Variants in CTNNA3 observed in about 807,000 individuals in gnomAD.
The protein encoded by CTNNA3 is catenin alpha-3.
Under a neutral mutation model 95.7 loss-of-function variants are expected in CTNNA3, and 76 were observed. The observed-to-expected ratio is 0.79, with a 90% CI of 0.66 to 0.96. CTNNA3 has a LOEUF of 0.96. Among genes scored for constraint, CTNNA3 ranks in the 40% least tolerant of loss-of-function variants. CTNNA3 has a pLI of 0.00. For missense variants in CTNNA3, 1,191 were observed against 1,089.8 expected (o/e 1.09, Z -1.31); for synonymous variants, 431 against 374.4 (o/e 1.15, Z -1.74).
At chr10:67,723,845 T>C (rs1287927598) in intron 1 of CTNNA3, among the ~76,000 whole-genome samples, 1 of 152,060 alleles carries the variant, frequency 6.6e-6, no homozygotes, top group Non-Finnish European at 1.5e-5. Flanking sequence ...CTCGGTATGC[T>C]ATGGGGCTTC....
chr10:67,261,938 A>G (rs1003265835), intron 5 of CTNNA3, among the ~76,000 whole-genome samples: 2 of 152,196 alleles, frequency 1.3e-5, no homozygotes, highest in Non-Finnish European at 1.5e-5. Flanking sequence ...TTTAAAATCA[A>G]CTAATACTAA....
chr10:66,248,650 A>G (rs1045195412), intron 13 of CTNNA3, among the ~76,000 whole-genome samples: 4 of 152,154 alleles, frequency 2.6e-5, no homozygotes, highest in African/African-American at 9.6e-5. Flanking sequence ...GAAACAAAGA[A>G]AGTGATTATA....
intron 12 of CTNNA3, among the ~76,000 whole-genome samples, chr10:66,299,697 T>C (rs1268098890): frequency 1.3e-5 from 2 of 151,884 alleles, no homozygotes; most frequent in Admixed American, 1.3e-4. Flanking sequence ...TTGAAGAAAC[T>C]ACACAGAATG....
chr10:66,114,059 T>C (rs2082221103), intron 13 of CTNNA3, among the ~76,000 whole-genome samples: 1 of 152,102 alleles, frequency 6.6e-6, no homozygotes, highest in South Asian at 2.1e-4. Context: ...CTTCAACTCT[T>C]ATGTCTGAAT....
intron 7 of CTNNA3, among the ~76,000 whole-genome samples, chr10:66,865,736 T>C (rs1844149273): frequency 6.6e-6 from 1 of 152,086 alleles, no homozygotes; most frequent in African/African-American, 2.4e-5. Context: ...CAATATTTAT[T>C]TTTAGCTCAA....
At chr10:67,398,437 C>G (rs963952312) in intron 5 of CTNNA3, among the ~76,000 whole-genome samples, 1 of 152,154 alleles carries the variant, frequency 6.6e-6, no homozygotes, top group African/African-American at 2.4e-5. Flanking sequence ...ACCTGTACCC[C>G]CATTTTACCT....
intron 7 of CTNNA3, among the ~76,000 whole-genome samples, chr10:66,959,233 C>T (rs1848991306): frequency 6.6e-6 from 1 of 152,118 alleles, no homozygotes; most frequent in Non-Finnish European, 1.5e-5. Context: ...AAACCTCTTC[C>T]TCTCTATAGA....
At chr10:67,067,149 T>C (rs1363011087) in intron 7 of CTNNA3, among the ~76,000 whole-genome samples, 5 of 152,194 alleles carry the variant, frequency 3.3e-5, no homozygotes, top group Admixed American at 6.5e-5. Flanking sequence ...AAACCACATA[T>C]GACATAAGCA....
rs183700108 is a variant in CTNNA3, at chr10:67,116,863, A to G, written c.1047+63454T>C. On this transcript the variant is annotated intron_variant, in intron 7 of 17. Coordinates refer to ENST00000433211, the MANE Select transcript of CTNNA3 (RefSeq NM_013266.4). ...TATATGTGTATAAACACACATGTAT[A>G]TGCATATATATTGTTGAGTCTACTA... 2.9e-3 allele frequency among the ~76,000 whole-genome samples: 433 copies of G among 151,712 alleles called. 2 individuals carry two copies. Among genetic ancestry groups the G allele is most frequent in the African/African-American group, 9.9e-3 (410 of 41,490 alleles).
chr10:66,263,801 C>T (rs1389630492), intron 13 of CTNNA3, among the ~76,000 whole-genome samples: 1 of 151,954 alleles, frequency 6.6e-6, no homozygotes, highest in African/African-American at 2.4e-5. Context: ...AATATCTAAA[C>T]ATACATTACC....
intron 12 of CTNNA3, among the ~76,000 whole-genome samples, chr10:66,360,736 CT>C (rs1564896761): frequency 2.7e-4 from 23 of 86,546 alleles, no homozygotes; most frequent in African/African-American, 9.8e-4. Flanking sequence ...TTCTTTCTTT[CT>C]TTCTTTCTTC....
At chr10:65,975,647 G>A (rs775513964) in intron 16 of CTNNA3, among the ~76,000 whole-genome samples, 10 of 151,952 alleles carry the variant, frequency 6.6e-5, no homozygotes, top group East Asian at 1.9e-4. Context: ...TAGGTACTTC[G>A]TCTGTGCCAG....
chr10:66,713,785 C>G (rs896616780), intron 9 of CTNNA3, among the ~76,000 whole-genome samples: 1 of 151,998 alleles, frequency 6.6e-6, no homozygotes, highest in African/African-American at 2.4e-5. Context: ...CAGTAATATC[C>G]CATTTAATTT....
intron 7 of CTNNA3, among the ~76,000 whole-genome samples, chr10:66,922,940 T>C (rs371458198): frequency 8.5e-5 from 13 of 152,326 alleles, no homozygotes; most frequent in African/African-American, 3.1e-4. Flanking sequence ...CTTAAGCATT[T>C]ACGCTTTGTA....
Position 67,750,882 on chromosome 10 carries a change from C to T in CTNNA3, c.-2+12552G>A, listed in dbSNP as rs553221335. The stretch of plus-strand genomic sequence containing the variant: ...CACAGGAGAAACTGATCCAGTACTG[C>T]CACTCCAAGGGCATCACCATTATGG... On this transcript the variant is annotated intron_variant, in intron 1 of 17. Transcript: ENST00000684154. 136 of 1,610,952 alleles carry T rather than the reference C, an allele frequency of 8.4e-5. 1 individual carries two copies. The highest frequency in any genetic ancestry group is 8.3e-4 in the Middle Eastern group (5 of 6,048).
chr10:66,724,737 C>T (rs1346150567), intron 9 of CTNNA3, among the ~76,000 whole-genome samples: 3 of 152,130 alleles, frequency 2.0e-5, no homozygotes, highest in African/African-American at 7.2e-5. Flanking sequence ...GTGTGAAAAT[C>T]GCTATCACCT....
chr10:66,411,190 G>A (rs1411555131), intron 11 of CTNNA3, among the ~76,000 whole-genome samples: 1 of 152,096 alleles, frequency 6.6e-6, no homozygotes, highest in Non-Finnish European at 1.5e-5. Context: ...TAAATAATGT[G>A]TCCTGTGTTC....
chr10:66,285,288 G>A (rs1379595064), intron 12 of CTNNA3, among the ~76,000 whole-genome samples: 1 of 151,828 alleles, frequency 6.6e-6, no homozygotes, highest in Non-Finnish European at 1.5e-5. Context: ...TTCCCCCTCT[G>A]GCAGAGTAGG....
intron 7 of CTNNA3, among the ~76,000 whole-genome samples, chr10:66,944,566 T>A (rs1191660354): frequency 3.3e-5 from 5 of 152,294 alleles, no homozygotes; most frequent in Non-Finnish European, 7.4e-5. Flanking sequence ...GAATGGTGAC[T>A]CTTACCTTAA....
Sources: gnomAD v4.1 joint callset for allele counts (sites outside exome capture counted in the v4.1 genomes callset) on GRCh38, gnomAD v4.1.1 for gene constraint, MANE v1.5 for transcripts, NCBI Gene and HGNC (gene_info 2026-07-23, HGNC 2026-07-21) for gene names.